The following PID1 variants were observed in gnomAD, a reference collection of about 807,000 sequenced individuals.
The protein encoded by PID1 is PTB-containing, cubilin and LRP1-interacting protein.
PID1 carries 10 observed loss-of-function variants against 19.1 expected under a neutral mutation model. The ratio of observed to expected loss-of-function variants is 0.52; its 90% confidence interval spans 0.32 to 0.89. The LOEUF is 0.89. Ranked by LOEUF, PID1 falls within the 40% of genes least tolerant of loss-of-function variation. The pLI is 0.03. For missense variants in PID1, 248 were observed against 285.3 expected (o/e 0.87, Z 0.94); for synonymous variants, 130 against 116.0 (o/e 1.12, Z -0.78).
chr2:229,264,435 T>G (rs1286113167), intron 1 of PID1, among the ~76,000 whole-genome samples: 1 of 152,136 alleles, frequency 6.6e-6, no homozygotes, highest in Non-Finnish European at 1.5e-5. Context: ...CCCAGGCCTC[T>G]CTAAAACAGG....
At chr2:229,115,338 A>G (rs10933276) in intron 2 of PID1, among the ~76,000 whole-genome samples, 121,617 of 149,598 alleles carry the variant, frequency 0.81, 49,536 homozygotes, top group East Asian at 1. Context: ...AGACCCTGTC[A>G]CTACAAAAAA....
chr2:229,221,921 CT>C (rs1195864166), intron 1 of PID1, among the ~76,000 whole-genome samples: 1 of 152,218 alleles, frequency 6.6e-6, no homozygotes, highest in Non-Finnish European at 1.5e-5. Context: ...GGGATCCCCC[CT>C]CTGACATTCC....
chr2:229,031,082 G>A (rs1457972670), intron 2 of PID1, among the ~76,000 whole-genome samples: 1 of 151,570 alleles, frequency 6.6e-6, no homozygotes, highest in Non-Finnish European at 1.5e-5. Context: ...CGGGTGTGGT[G>A]GCAGACACCT....
chr2:229,184,528 ATATATATATATATCCCG>A (rs530423609), intron 1 of PID1, among the ~76,000 whole-genome samples: 1 of 18,428 alleles, frequency 5.4e-5, no homozygotes, highest in South Asian at 8.6e-4. Flanking sequence ...TATATCCCGT[ATATATATATATATCCCG>A]TATATATATA....
At position 229,142,460 on chromosome 2, in the gene PID1, A is replaced by G. The variant is rs115097099; in HGVS notation, c.177+13358T>C. On this transcript the variant is annotated intron_variant, in intron 2 of 2. Transcript: ENST00000392055. Reference sequence around the variant, plus strand: ...AGTCGTAAATGGAAAGGAAAAAATCAATGAGAGAGAAGACAGTAACATATC... The same window carrying G: ...AGTCGTAAATGGAAAGGAAAAAATCGATGAGAGAGAAGACAGTAACATATC... 4.4e-3 allele frequency among the ~76,000 whole-genome samples: 664 copies of G among 152,260 alleles called. 5 individuals are homozygous for G. Among genetic ancestry groups the G allele is most frequent in the African/African-American group, 0.014 (598 of 41,560 alleles).
intron 2 of PID1, among the ~76,000 whole-genome samples, chr2:229,133,907 A>G (rs1477769733): frequency 6.6e-6 from 1 of 152,010 alleles, no homozygotes; most frequent in African/African-American, 2.4e-5. Context: ...AGCATTAGGT[A>G]TATCTCCTAA....
At chr2:229,113,596 A>ATGTGTG (rs3083856) in intron 2 of PID1, among the ~76,000 whole-genome samples, 39,216 of 141,766 alleles carry the variant, frequency 0.28, 5,575 homozygotes, top group Admixed American at 0.41. Flanking sequence ...GTATGCATAT[A>ATGTGTG]TGTGTGTGTG....
chr2:229,156,103 G>C, intron 1 of PID1, 139 bp from the exon 2 acceptor site: 1 of 684,576 alleles, frequency 1.5e-6, no homozygotes, highest in East Asian at 2.8e-5. Flanking sequence ...TAGTAAAACA[G>C]AGGAGGGGGA....
chr2:229,119,843 T>C (rs1695482085), intron 2 of PID1, among the ~76,000 whole-genome samples: 1 of 152,202 alleles, frequency 6.6e-6, no homozygotes, highest in Non-Finnish European at 1.5e-5. Context: ...ACGTAATCTG[T>C]TGAGGGCCTA....
At chr2:229,032,340 G>T (rs1433421948) in intron 2 of PID1, among the ~76,000 whole-genome samples, 1 of 152,166 alleles carries the variant, frequency 6.6e-6, no homozygotes, top group African/African-American at 2.4e-5. Context: ...AACTCAATGT[G>T]CAAGGCTGCT....
intron 2 of PID1, among the ~76,000 whole-genome samples, chr2:229,080,400 C>T (rs1694647033): frequency 6.6e-6 from 1 of 152,134 alleles, no homozygotes; most frequent in African/African-American, 2.4e-5. Flanking sequence ...ATCCTGCATT[C>T]TCTCCCGGGC....
At chr2:229,201,092 C>CTTTTTCTAT (rs1452566801) in intron 1 of PID1, among the ~76,000 whole-genome samples, 2 of 152,136 alleles carry the variant, frequency 1.3e-5, no homozygotes, top group East Asian at 3.9e-4. Flanking sequence ...ATCATCTTCC[C>CTTTTTCTAT]TTTTTCTATT....
intron 1 of PID1, among the ~76,000 whole-genome samples, chr2:229,209,248 C>A (rs927022824): frequency 6.6e-6 from 1 of 152,200 alleles, no homozygotes; most frequent in Non-Finnish European, 1.5e-5. Context: ...CACTTGCAAA[C>A]CCTCACCTAC....
At chr2:229,138,987 GAAAGAA>G (rs1392911044) in intron 2 of PID1, among the ~76,000 whole-genome samples, 1 of 57,342 alleles carries the variant, frequency 1.7e-5, no homozygotes, top group Non-Finnish European at 3.5e-5. Flanking sequence ...ATAGAAGAAA[GAAAGAA>G]AGAAAGAAAG....
chr2:229,137,601 A>C lies in PID1; in HGVS notation c.177+18217T>G, dbSNP rs975369442. Among the ~76,000 whole-genome samples, 13 of 152,000 alleles carry C rather than the reference A, an allele frequency of 8.6e-5. 1 individual carries two copies. The East Asian group carries it at 2.5e-3, about 29-fold the overall frequency. ...ACAAAGTCCTGAAGGCAGGTAATGC[A>C]CTGTAAAGTAAATCAATCTCTAGGT... On this transcript the variant is annotated intron_variant, in intron 2 of 2. Transcript: ENST00000392055.
intron 2 of PID1, among the ~76,000 whole-genome samples, chr2:229,038,759 C>T (rs553677788): frequency 1.3e-5 from 2 of 152,092 alleles, no homozygotes; most frequent in South Asian, 4.2e-4. Flanking sequence ...GTTATGAAAT[C>T]CACTCTCTCC....
intron 2 of PID1, among the ~76,000 whole-genome samples, chr2:229,131,479 T>C (rs1001926354): frequency 2.0e-5 from 3 of 152,106 alleles, no homozygotes; most frequent in Non-Finnish European, 4.4e-5. Flanking sequence ...GATCCACCCA[T>C]CTCAGCCTCC....
chr2:229,227,033 G>A (rs1371421537), intron 1 of PID1, among the ~76,000 whole-genome samples: 1 of 152,128 alleles, frequency 6.6e-6, no homozygotes, highest in Non-Finnish European at 1.5e-5. Flanking sequence ...TTGTTCTTCT[G>A]GTTGACTTTG....
At chr2:229,032,419 C>T (rs570436194) in intron 2 of PID1, among the ~76,000 whole-genome samples, 19 of 152,202 alleles carry the variant, frequency 1.2e-4, no homozygotes, top group Non-Finnish European at 2.5e-4. Context: ...TCCTGTTATC[C>T]TGTCTATGAA....
Sources: allele counts gnomAD v4.1 joint callset (sites outside exome capture counted in the v4.1 genomes callset), GRCh38; gene constraint gnomAD v4.1.1; transcripts MANE v1.5; gene names NCBI Gene and HGNC (gene_info 2026-07-23, HGNC 2026-07-21).